BICC1: variants seen among roughly 807,000 people sequenced by gnomAD.
BICC1 encodes BicC family RNA binding protein 1, also known as protein bicaudal C homolog 1.
Under a neutral mutation model 111.0 loss-of-function variants are expected in BICC1, and 43 were observed. That is an observed-to-expected ratio of 0.39 (90% CI 0.30 to 0.50). The LOEUF is 0.50. Ranked by LOEUF, BICC1 falls within the 20% of genes least tolerant of loss-of-function variation. The pLI is 0.88. For synonymous variants in BICC1, 467 were observed against 434.4 expected (o/e 1.07, Z -0.93); for missense variants, 1,091 against 1,203.2 (o/e 0.91, Z 1.38).
rs984930233 is a variant in BICC1 at position 58,527,743 on chromosome 10, C to T, written c.190+14410C>T. ...AGACCAGATGGTTGTAGATATAGACCAATGGAACAGAACAGAGCCTTCAGA... is the reference window on the plus strand; with the variant it reads ...AGACCAGATGGTTGTAGATATAGACTAATGGAACAGAACAGAGCCTTCAGA... On this transcript the variant is annotated intron_variant, in intron 1 of 20. Transcript: ENST00000373886. Among the ~76,000 whole-genome samples the T allele has an allele frequency of 2.0e-5, 3 of 152,004 alleles. No homozygotes were observed. The East Asian group carries it at 5.8e-4, about 30-fold the overall frequency.
chr10:58,664,102 A>G lies in BICC1; in HGVS notation c.238-37972A>G, dbSNP rs77937870. ...TGCCTTGGAGTGTAATTGTTGGCTC[A>G]TGTAAGTGTGTGTTTCACTTTCTAA... On this transcript the variant is annotated intron_variant, in intron 2 of 20. Coordinates refer to ENST00000373886, the MANE Select transcript of BICC1 (RefSeq NM_001080512.3). Among the ~76,000 whole-genome samples, 1,481 of 152,300 alleles carry G rather than the reference A, an allele frequency of 9.7e-3. 9 individuals carry two copies. The highest frequency in any genetic ancestry group is 0.015 in the Non-Finnish European group (998 of 68,026).
chr10:58,660,505 T>C (rs946306857), intron 2 of BICC1, among the ~76,000 whole-genome samples: 1 of 152,096 alleles, frequency 6.6e-6, no homozygotes. Flanking sequence ...AAAGAGTTCA[T>C]TCTGATAGTT....
At position 58,594,759 on chromosome 10, in the gene BICC1, C is replaced by T. The variant is rs1237327794; in HGVS notation, c.191-26096C>T. Among the ~76,000 whole-genome samples the T allele has an allele frequency of 3.3e-5, 5 of 152,134 alleles. 1 individual carries two copies. In the South Asian group the frequency reaches 1.0e-3, roughly 32 times the overall value. On this transcript the variant is annotated intron_variant, in intron 1 of 20. Coordinates refer to ENST00000373886, the MANE Select transcript of BICC1 (RefSeq NM_001080512.3). The stretch of plus-strand genomic sequence containing the variant: ...ATGGAAAGGAACAACTGGTACCAGC[C>T]ACTGCAAAAACATATGAAATTGTAA...
At chr10:58,759,985 G>A (rs75935730) in intron 3 of BICC1, among the ~76,000 whole-genome samples, 5 of 143,624 alleles carry the variant, frequency 3.5e-5, no homozygotes, top group African/African-American at 1.0e-4. Flanking sequence ...AAAAAAAAAA[G>A]AAGACAGCAA....
At chr10:58,823,749 C>A in intron 20 of BICC1, 8 of 985,204 alleles carry the variant, frequency 8.1e-6, no homozygotes, top group Non-Finnish European at 9.6e-6. Flanking sequence ...AAAATGGAGG[C>A]CGAAGATAGT....
intron 1 of BICC1, among the ~76,000 whole-genome samples, chr10:58,600,483 T>G (rs763098187): frequency 6.6e-6 from 1 of 152,206 alleles, no homozygotes; most frequent in Non-Finnish European, 1.5e-5. Flanking sequence ...TTGGTCAAGA[T>G]GTGCTGTTTT....
At chr10:58,698,096 A>G (rs966436087) in intron 2 of BICC1, among the ~76,000 whole-genome samples, 50 of 152,212 alleles carry the variant, frequency 3.3e-4, no homozygotes, top group African/African-American at 1.0e-3. Context: ...TGACTTCCCG[A>G]AAGTGAGTAA....
At chr10:58,794,987 G>A (rs1001614948) in intron 9 of BICC1, among the ~76,000 whole-genome samples, 12 of 152,096 alleles carry the variant, frequency 7.9e-5, no homozygotes, top group African/African-American at 2.9e-4. Context: ...GCATTTTTGT[G>A]TATATATATG....
At chr10:58,761,294 T>A (rs1589112617) in intron 3 of BICC1, among the ~76,000 whole-genome samples, 1 of 152,190 alleles carries the variant, frequency 6.6e-6, no homozygotes, top group East Asian at 1.9e-4. Flanking sequence ...GAAAGTTGCT[T>A]CCTTTCCAAT....
At chr10:58,696,439 G>A (rs1055835935) in intron 2 of BICC1, among the ~76,000 whole-genome samples, 3 of 151,856 alleles carry the variant, frequency 2.0e-5, no homozygotes, top group African/African-American at 7.3e-5. Context: ...ATGAATATTT[G>A]CTATTCATCA....
intron 2 of BICC1, among the ~76,000 whole-genome samples, chr10:58,641,349 G>A (rs1175091016): frequency 2.0e-5 from 3 of 152,218 alleles, no homozygotes; most frequent in East Asian, 3.9e-4. Flanking sequence ...TTTTGCCGTC[G>A]TGCCCTTGCT....
At chr10:58,551,033 AC>A (rs1243750979) in intron 1 of BICC1, among the ~76,000 whole-genome samples, 4 of 152,110 alleles carry the variant, frequency 2.6e-5, no homozygotes, top group Non-Finnish European at 4.4e-5. Flanking sequence ...ATCTTCCTTC[AC>A]ATCTCAGTAC....
intron 17 of BICC1, 131 bp from the exon 18 acceptor site, chr10:58,813,699 A>G: frequency 1.1e-6 from 1 of 920,496 alleles, no homozygotes; most frequent in Non-Finnish European, 1.7e-6. Context: ...CCGAGAGTCA[A>G]CACTCATGAG....
chr10:58,556,750 A>G (rs760927988), intron 1 of BICC1, among the ~76,000 whole-genome samples: 19 of 152,212 alleles, frequency 1.2e-4, no homozygotes, highest in Middle Eastern at 3.4e-3. Context: ...TCAAAAGGTA[A>G]TGGCCTAGGC....
chr10:58,522,783 C>T (rs111353521), intron 1 of BICC1, among the ~76,000 whole-genome samples: 81,829 of 151,476 alleles, frequency 0.54, 23,138 homozygotes, highest in African/African-American at 0.71. Context: ...TTTGAAAAGA[C>T]CAACAAAATG....
chr10:58,819,243 C>T (rs892186077), intron 19 of BICC1, among the ~76,000 whole-genome samples: 1 of 152,150 alleles, frequency 6.6e-6, no homozygotes, highest in East Asian at 1.9e-4. Flanking sequence ...AGCTGGGGAA[C>T]ACTTGAGCTG....
chr10:58,723,640 A>C (rs759770295), intron 3 of BICC1, among the ~76,000 whole-genome samples: 8 of 152,196 alleles, frequency 5.3e-5, no homozygotes, highest in Non-Finnish European at 1.2e-4. Flanking sequence ...AGAGAATTTC[A>C]AGCCAGCAGG....
intron 1 of BICC1, among the ~76,000 whole-genome samples, chr10:58,557,526 G>C (rs74434081): frequency 0.014 from 2,156 of 151,792 alleles, 53 homozygotes; most frequent in African/African-American, 0.049. Context: ...ACAGCTTATT[G>C]ATGTTCTATT....
At position 58,512,913 on chromosome 10, in the gene BICC1, G is replaced by A. The variant is rs1842129749; in HGVS notation, c.-231G>A. On this transcript the variant is annotated 5_prime_UTR_variant, in exon 1 of 21. Coordinates refer to ENST00000373886, the MANE Select transcript of BICC1 (RefSeq NM_001080512.3). The stretch of plus-strand genomic sequence containing the variant: ...GCTGGCGGGGGGCGGCGCAGCCACT[G>A]GACCCGGACCGGGGCCGCGACCCGG... 6.8e-6 allele frequency among the ~76,000 whole-genome samples: 1 copy of A among 147,196 alleles called. No homozygotes were observed.
Sources: allele counts gnomAD v4.1 joint callset (sites outside exome capture counted in the v4.1 genomes callset), GRCh38; gene constraint gnomAD v4.1.1; transcripts MANE v1.5; gene names NCBI Gene and HGNC (gene_info 2026-07-23, HGNC 2026-07-21).